EFL1: variants seen among roughly 807,000 people sequenced by gnomAD.
The protein encoded by EFL1 is elongation factor-like GTPase 1.
In EFL1, 76 loss-of-function variants were observed where a neutral mutation model predicts 126.7. That is an observed-to-expected ratio of 0.60 (90% CI 0.50 to 0.73). The LOEUF is 0.73. Among genes scored for constraint, EFL1 ranks in the 30% least tolerant of loss-of-function variants. The pLI, the probability that EFL1 is intolerant of heterozygous loss-of-function variation, is 0.00. For missense variants in EFL1, 1,128 were observed against 1,343.2 expected, an observed-to-expected ratio of 0.84 and a Z score of 2.50; for synonymous variants, 410 against 448.4, an observed-to-expected ratio of 0.91 and a Z score of 1.08.
At chr15:82,237,660 T>G (rs1375207687) in intron 7 of EFL1, among the ~76,000 whole-genome samples, 5 of 152,074 alleles carry the variant, frequency 3.3e-5, no homozygotes, top group African/African-American at 1.2e-4. Flanking sequence ...CTCCTAGGCA[T>G]TTATTCCAGA....
chr15:82,186,203 C>T (rs917744065), intron 15 of EFL1, among the ~76,000 whole-genome samples: 4 of 152,034 alleles, frequency 2.6e-5, no homozygotes, highest in Non-Finnish European at 5.9e-5. Flanking sequence ...GGAATCACAT[C>T]TAAAGGCTTT....
intron 19 of EFL1, among the ~76,000 whole-genome samples, chr15:82,133,685 C>T (rs1420023575): frequency 1.3e-5 from 2 of 152,116 alleles, no homozygotes; most frequent in Admixed American, 6.5e-5. Context: ...TTAAGACACC[C>T]GGCCACAAGT....
intron 18 of EFL1, among the ~76,000 whole-genome samples, chr15:82,148,472 A>G (rs2073872879): frequency 6.6e-6 from 1 of 152,104 alleles, no homozygotes; most frequent in African/African-American, 2.4e-5. Flanking sequence ...AAATAAGGAG[A>G]CATGTCTTGT....
At chr15:82,259,877 A>G (rs1490759061) in intron 2 of EFL1, among the ~76,000 whole-genome samples, 2 of 152,220 alleles carry the variant, frequency 1.3e-5, no homozygotes, top group Admixed American at 6.5e-5. Context: ...CCAGAGACCA[A>G]TGAGTAGGAG....
intron 6 of EFL1, 129 bp downstream of exon 6, chr15:82,240,289 A>T: frequency 2.4e-6 from 2 of 845,218 alleles, no homozygotes; most frequent in Non-Finnish European, 3.6e-6. Context: ...CTTGTAGAAT[A>T]ACAGCAACAC....
At chr15:82,183,572 C>T (rs149937544) in intron 15 of EFL1, among the ~76,000 whole-genome samples, 274 of 152,300 alleles carry the variant, frequency 1.8e-3, no homozygotes, top group African/African-American at 6.4e-3. Flanking sequence ...TTGGTGATAA[C>T]TTGCACCACC....
chr15:82,203,083 T>G (rs1196490329), intron 15 of EFL1, among the ~76,000 whole-genome samples: 2 of 152,096 alleles, frequency 1.3e-5, no homozygotes, highest in African/African-American at 4.8e-5. Flanking sequence ...AATGCTGGGA[T>G]TACAGGCGTG....
chr15:82,259,295 T>G (rs2075092598), intron 2 of EFL1, 140 bp from the exon 3 acceptor site: 1 of 712,842 alleles, frequency 1.4e-6, no homozygotes, highest in East Asian at 2.6e-5. Flanking sequence ...ACAAAAGAGA[T>G]TTATTAGACT....
intron 19 of EFL1, among the ~76,000 whole-genome samples, chr15:82,132,161 G>A (rs1365098624): frequency 6.6e-6 from 1 of 152,186 alleles, no homozygotes; most frequent in African/African-American, 2.4e-5. Context: ...TGGGAGGTGT[G>A]AGCCACAACT....
intron 15 of EFL1, among the ~76,000 whole-genome samples, chr15:82,180,359 C>CAAAAAAAAAAAAAAA (rs71156028): frequency 2.5e-5 from 3 of 120,594 alleles, no homozygotes; most frequent in East Asian, 2.4e-4. Flanking sequence ...ATTAAACTGG[C>CAAAAAAAAAAAAAAA]AAAAAAAAAA....
intron 11 of EFL1, among the ~76,000 whole-genome samples, chr15:82,226,832 C>A (rs914241247): frequency 6.6e-6 from 1 of 152,004 alleles, no homozygotes; most frequent in African/African-American, 2.4e-5. Flanking sequence ...AGTTAAAAAG[C>A]CAGGGAGATG....
intron 18 of EFL1, among the ~76,000 whole-genome samples, chr15:82,147,647 G>GAAAAAAAAA (rs2073862724): frequency 6.9e-6 from 1 of 144,214 alleles, no homozygotes. Context: ...AAAAAAAAAG[G>GAAAAAAAAA]AAAGATATCG....
At chr15:82,224,806 T>C (rs556664183) in intron 12 of EFL1, among the ~76,000 whole-genome samples, 53 of 152,222 alleles carry the variant, frequency 3.5e-4, no homozygotes, top group Non-Finnish European at 6.3e-4. Context: ...GAGATCCTCA[T>C]ACATTCATAA....
intron 19 of EFL1, among the ~76,000 whole-genome samples, chr15:82,134,298 C>T (rs1193553800): frequency 2.6e-5 from 4 of 152,044 alleles, no homozygotes; most frequent in Non-Finnish European, 5.9e-5. Context: ...TTATGGTTGT[C>T]CAGCTTGTGC....
intron 18 of EFL1, among the ~76,000 whole-genome samples, chr15:82,145,381 A>G (rs1025836221): frequency 6.6e-6 from 1 of 152,066 alleles, no homozygotes; most frequent in African/African-American, 2.4e-5. Flanking sequence ...TGTTCCAACA[A>G]TATTGGCATT....
intron 15 of EFL1, among the ~76,000 whole-genome samples, chr15:82,172,139 A>G (rs966250669): frequency 1.9e-4 from 29 of 152,314 alleles, no homozygotes; most frequent in African/African-American, 7.0e-4. Context: ...ACCAGATACT[A>G]TTTCACACCA....
chr15:82,218,191 T>C (rs1388867871), intron 14 of EFL1, among the ~76,000 whole-genome samples: 1 of 152,196 alleles, frequency 6.6e-6, no homozygotes, highest in Non-Finnish European at 1.5e-5. Context: ...AAATGTGTAA[T>C]GTTTCAAGCT....
chr15:82,160,719 A>G (rs568267618), intron 16 of EFL1, among the ~76,000 whole-genome samples: 9 of 152,300 alleles, frequency 5.9e-5, no homozygotes, highest in South Asian at 2.1e-4. Flanking sequence ...GATAAACAGG[A>G]TTTCTTGGAT....
intron 15 of EFL1, among the ~76,000 whole-genome samples, chr15:82,170,654 T>C (rs113657827): frequency 7.2e-4 from 109 of 152,356 alleles, no homozygotes; most frequent in Non-Finnish European, 1.3e-3. Context: ...GTTTTATTCA[T>C]AGATTTGTTA....
Sources: allele counts gnomAD v4.1 joint callset (sites outside exome capture counted in the v4.1 genomes callset), GRCh38; gene constraint gnomAD v4.1.1; transcripts MANE v1.5; gene names NCBI Gene and HGNC (gene_info 2026-07-23, HGNC 2026-07-21).